Variants in PAXIP1 observed in about 807,000 individuals in gnomAD.
PAXIP1 encodes the protein PAX-interacting protein 1.
A neutral mutation model predicts 140.6 loss-of-function variants in PAXIP1; 19 were observed. That is an observed-to-expected ratio of 0.14 (90% CI 0.09 to 0.20). PAXIP1 has a LOEUF of 0.20. Ranked by LOEUF, PAXIP1 falls within the 10% of genes least tolerant of loss-of-function variation. PAXIP1 has a pLI of 1.00. For missense variants in PAXIP1, 920 were observed against 1,208.6 expected (o/e 0.76, Z 3.54); for synonymous variants, 442 against 444.6 (o/e 0.99, Z 0.07).
At chr7:154,991,746 A>G (rs756540119) in intron 3 of PAXIP1, among the ~76,000 whole-genome samples, 1 of 152,218 alleles carries the variant, frequency 6.6e-6, no homozygotes, top group Non-Finnish European at 1.5e-5. Context: ...CATGATCTCT[A>G]TGTGCCTGTA....
intron 1 of PAXIP1, 53 bp downstream of exon 1, chr7:155,002,792 GGGGA>G (rs1810986978): frequency 5.0e-6 from 5 of 1,008,042 alleles, no homozygotes; most frequent in South Asian, 2.0e-5. Context: ...GGACGGGGAC[GGGGA>G]CGGACGGGGA....
At chr7:154,999,635 T>C (rs188335045) in intron 1 of PAXIP1, among the ~76,000 whole-genome samples, 1 of 152,290 alleles carries the variant, frequency 6.6e-6, no homozygotes, top group East Asian at 1.9e-4. Flanking sequence ...CAGACTGAAA[T>C]GGTGGTGAGT....
intron 2 of PAXIP1, among the ~76,000 whole-genome samples, chr7:154,996,044 T>C (rs1810587856): frequency 6.6e-6 from 1 of 152,232 alleles, no homozygotes; most frequent in Non-Finnish European, 1.5e-5. Flanking sequence ...GCCTTATTTT[T>C]AAAATGCATT....
At chr7:154,997,088 A>C (rs306278) in intron 2 of PAXIP1, among the ~76,000 whole-genome samples, 1 of 152,092 alleles carries the variant, frequency 6.6e-6, no homozygotes, top group East Asian at 1.9e-4. Context: ...AGCCAGAGAC[A>C]AAAACATGTT....
At chr7:154,948,584 A>C (rs1012008889) in intron 16 of PAXIP1, 1 of 151,606 alleles carries the variant, frequency 6.6e-6, no homozygotes, top group African/African-American at 2.4e-5. Flanking sequence ...AACAACAAAA[A>C]TGTAAAAAAA....
chr7:154,995,695 C>G (rs1028108290), intron 2 of PAXIP1, among the ~76,000 whole-genome samples: 5 of 152,068 alleles, frequency 3.3e-5, no homozygotes, highest in African/African-American at 9.7e-5. Context: ...ACTAAAAACA[C>G]AAAAGTTAGC....
chr7:154,968,782 T>C lies in PAXIP1; in HGVS notation c.1419A>G (p.Gln473=), dbSNP rs1809153419. The C allele has an allele frequency of 4.2e-6, 3 of 720,646 alleles. No individual in the cohort carries two copies. The allele number at this position is 720,646 out of a possible 1,614,324, so 44.6% of individuals were successfully genotyped here. A position where few individuals can be genotyped will look rare whatever the true frequency, so the allele number is the denominator to read the frequency against. ...FSQQQLQFPQ[Q]QLHPPQQLHR... ...GCAGCTGCTGTGGAGGATGCAACTG[T>C]TGCTGTGGAAACTGTAGCTGTTGCT... Residue 473 remains glutamine, a synonymous_variant, in exon 7 of 21, where the codon CAA becomes CAG. Coordinates refer to ENST00000404141, the MANE Select transcript of PAXIP1 (RefSeq NM_007349.4).
At position 154,946,508 on chromosome 7, in the gene PAXIP1, G is replaced by GT; in HGVS notation, c.3133+3dup. On this transcript the variant is annotated splice_donor_region_variant and intron_variant, in intron 19 of 20. Transcript: ENST00000404141. This position sits in a 1 kb window ranked among gnomAD's most constrained non-coding sequence, Gnocchi z 4.9. ...TACTCACACAGGTAAGCGGGGAAAC[G>GT]TACCTATGCCTCTGGCAAAATATTC... 5 of 1,613,346 alleles carry GT rather than the reference G, an allele frequency of 3.1e-6. No individual in the cohort carries two copies. Among genetic ancestry groups the GT allele is most frequent in the Non-Finnish European group, 3.4e-6 (4 of 1,179,296 alleles).
chr7:154,958,515 T>C (rs917710928), intron 13 of PAXIP1, among the ~76,000 whole-genome samples: 2 of 152,258 alleles, frequency 1.3e-5, no homozygotes, highest in Non-Finnish European at 2.9e-5. Flanking sequence ...CTGTCATACA[T>C]AGAGAATCAA....
Position 154,983,134 on chromosome 7 carries a change from A to C in PAXIP1, c.438+85T>G, listed in dbSNP as rs186360147. 165 of 657,292 alleles carry C rather than the reference A, an allele frequency of 2.5e-4. No individual in the cohort carries two copies. The African/African-American group carries it at 2.8e-3, about 11-fold the overall frequency. The allele number at this position is 657,292 out of a possible 1,614,324, so 40.7% of individuals were successfully genotyped here. A position where few individuals can be genotyped will look rare whatever the true frequency, so the allele number is the denominator to read the frequency against. Reference sequence around the variant, plus strand: ...TTTTGTAAATGAAATATAATAACTAATTTAAAAGAAGCTCAAAAAAGACAT... The same window carrying C: ...TTTTGTAAATGAAATATAATAACTACTTTAAAAGAAGCTCAAAAAAGACAT... On this transcript the variant is annotated intron_variant, in intron 5 of 20. Coordinates refer to ENST00000404141, the MANE Select transcript of PAXIP1 (RefSeq NM_007349.4).
chr7:154,955,479 CA>C (rs1271858570), intron 15 of PAXIP1, 49 bp downstream of exon 15: 4 of 1,097,270 alleles, frequency 3.6e-6, no homozygotes, highest in South Asian at 1.3e-5. Flanking sequence ...TAAATATATA[CA>C]AAAAAGGACA....
intron 16 of PAXIP1, chr7:154,950,107 GA>G (rs1438903207): frequency 6.6e-6 from 1 of 152,000 alleles, no homozygotes; most frequent in East Asian, 1.9e-4. Context: ...TTATAATATT[GA>G]TGTCTCAAAT....
At chr7:154,993,351 T>A (rs1170423320) in intron 3 of PAXIP1, among the ~76,000 whole-genome samples, 1 of 152,228 alleles carries the variant, frequency 6.6e-6, no homozygotes, top group Non-Finnish European at 1.5e-5. Context: ...CAATGCATGT[T>A]ATAAATTTTA....
At chr7:154,953,641 G>T (rs1223200857) in intron 16 of PAXIP1, among the ~76,000 whole-genome samples, 1 of 152,126 alleles carries the variant, frequency 6.6e-6, no homozygotes, top group East Asian at 1.9e-4. Context: ...GCACATAGCT[G>T]CCCTGGCTAT....
Position 155,002,832 on chromosome 7 carries a change from A to AG in PAXIP1, c.81+16dup. ...CGCGGACGGGGGAGGAGGCCGCGGC[A>AG]GGGGCGGGCGCGGTACCTGCGGGTC... On this transcript the variant is annotated intron_variant, in intron 1 of 20. Coordinates refer to ENST00000404141, the MANE Select transcript of PAXIP1 (RefSeq NM_007349.4). The AG allele has an allele frequency of 7.6e-7, 1 of 1,312,820 alleles. No homozygotes were observed. Among genetic ancestry groups the AG allele is most frequent in the Non-Finnish European group, 1.0e-6 (1 of 1,003,118 alleles). 81.3% of individuals were successfully genotyped at this position (1,312,820 alleles called of 1,614,324 possible). A position where few individuals can be genotyped will look rare whatever the true frequency, so the allele number is the denominator to read the frequency against.
At chr7:154,960,406 G>A (rs964514941) in intron 12 of PAXIP1, among the ~76,000 whole-genome samples, 1 of 152,218 alleles carries the variant, frequency 6.6e-6, no homozygotes, top group Non-Finnish European at 1.5e-5. Context: ...TTCTAGGAAA[G>A]CAGGGAATGT....
Position 154,956,430 on chromosome 7 carries a change from A to G in PAXIP1, c.2549+794T>C, listed in dbSNP as rs1808515519. 6.6e-6 allele frequency: 1 copy of G among 152,178 alleles called. No individual in the cohort carries two copies. Among genetic ancestry groups the G allele is most frequent in the South Asian group, 2.1e-4 (1 of 4,828 alleles). 9.4% of individuals were successfully genotyped at this position (152,178 alleles called of 1,614,324 possible). A position where few individuals can be genotyped will look rare whatever the true frequency, so the allele number is the denominator to read the frequency against. ...AGGAACCTGGTAACTGCAAAAAACAATTCAAGCAGTTATATTTCACCATGT... is the reference window on the plus strand; with the variant it reads ...AGGAACCTGGTAACTGCAAAAAACAGTTCAAGCAGTTATATTTCACCATGT... On this transcript the variant is annotated intron_variant, in intron 14 of 20. Coordinates refer to ENST00000404141, the MANE Select transcript of PAXIP1 (RefSeq NM_007349.4). The surrounding 1 kb of genome is among the most constrained non-coding windows in gnomAD (Gnocchi z 4.2).
intron 8 of PAXIP1, among the ~76,000 whole-genome samples, chr7:154,965,997 G>A (rs1304968153): frequency 6.6e-6 from 1 of 152,082 alleles, no homozygotes; most frequent in Non-Finnish European, 1.5e-5. Flanking sequence ...ATCTATTGGC[G>A]TTTCCCTTTA....
At chr7:155,001,390 G>C (rs769205215) in intron 1 of PAXIP1, 7 of 152,072 alleles carry the variant, frequency 4.6e-5, no homozygotes, top group Non-Finnish European at 1.0e-4. Context: ...AAAAAAAAGA[G>C]GGGCGGGGGA....
Sources: gnomAD v4.1 joint callset for allele counts (sites outside exome capture counted in the v4.1 genomes callset) on GRCh38, gnomAD v4.1.1 for gene constraint, Gnocchi (gnomAD v3.1) non-coding constraint, MANE v1.5 for transcripts, NCBI Gene and HGNC (gene_info 2026-07-23, HGNC 2026-07-21) for gene names.